Variants in TNKS observed in about 807,000 individuals in gnomAD.
TNKS encodes the protein poly [ADP-ribose] polymerase tankyrase-1.
In TNKS, 72 loss-of-function variants were observed where a neutral mutation model predicts 135.8. That is an observed-to-expected ratio of 0.53 (90% confidence interval 0.44 to 0.64). TNKS has a LOEUF of 0.64. TNKS is among the 30% of genes least tolerant of loss of function. The pLI is 0.00. For synonymous variants in TNKS, 849 were observed against 649.3 expected (o/e 1.31, Z -4.68); for missense variants, 1,769 against 1,674.0 (o/e 1.06, Z -0.99).
At chr8:9,749,645 T>G (rs1235606639) in intron 18 of TNKS, among the ~76,000 whole-genome samples, 1 of 152,012 alleles carries the variant, frequency 6.6e-6, no homozygotes, top group Non-Finnish European at 1.5e-5. Context: ...TGGCTATTTT[T>G]TTTGTTTTTA....
At chr8:9,720,580 T>A (rs778091729) in intron 12 of TNKS, 35 bp downstream of exon 12, 1 of 1,578,830 alleles carries the variant, frequency 6.3e-7, no homozygotes, top group South Asian at 1.2e-5. Flanking sequence ...CATTTTATGT[T>A]TTCTCTTCCA....
chr8:9,651,591 C>A (rs1457692846), intron 3 of TNKS, among the ~76,000 whole-genome samples: 1 of 152,150 alleles, frequency 6.6e-6, no homozygotes, highest in East Asian at 1.9e-4. Flanking sequence ...AGATTGGATA[C>A]TCTCAAGAAA....
intron 3 of TNKS, among the ~76,000 whole-genome samples, chr8:9,675,380 G>T (rs1250214092): frequency 6.6e-6 from 1 of 152,174 alleles, no homozygotes; most frequent in Non-Finnish European, 1.5e-5. Flanking sequence ...GAATATAAGA[G>T]TCCCCACATT....
chr8:9,567,366 C>A (rs1277046748), intron 1 of TNKS, among the ~76,000 whole-genome samples: 1 of 152,092 alleles, frequency 6.6e-6, no homozygotes, highest in East Asian at 1.9e-4. Flanking sequence ...CTTTGAAGAA[C>A]CTCATAACTA....
intron 22 of TNKS, among the ~76,000 whole-genome samples, chr8:9,764,433 G>T (rs1807316721): frequency 6.6e-6 from 1 of 151,784 alleles, no homozygotes; most frequent in African/African-American, 2.4e-5. Context: ...TTCTCAATAA[G>T]ATAAGATAGT....
chr8:9,711,306 G>T (rs1260327237), intron 11 of TNKS, among the ~76,000 whole-genome samples: 1 of 152,204 alleles, frequency 6.6e-6, no homozygotes, highest in Non-Finnish European at 1.5e-5. Flanking sequence ...TGATGTCAAG[G>T]TTTCCTGAGG....
At chr8:9,682,490 A>T (rs771596079) in intron 5 of TNKS, among the ~76,000 whole-genome samples, 3 of 152,122 alleles carry the variant, frequency 2.0e-5, no homozygotes, top group Non-Finnish European at 4.4e-5. Context: ...TTAAAGGAGA[A>T]TATACTTCCT....
At chr8:9,649,967 G>A (rs1044327374) in intron 3 of TNKS, among the ~76,000 whole-genome samples, 3 of 134,538 alleles carry the variant, frequency 2.2e-5, no homozygotes, top group Non-Finnish European at 3.1e-5. Flanking sequence ...TTGGCTCACC[G>A]CTGCAGCCTC....
At chr8:9,595,190 G>A (rs929392119) in intron 2 of TNKS, among the ~76,000 whole-genome samples, 2 of 150,366 alleles carry the variant, frequency 1.3e-5, no homozygotes, top group South Asian at 2.1e-4. Flanking sequence ...GTGTGATCTC[G>A]GCTCACTGCA....
At position 9,714,354 on chromosome 8, in the gene TNKS, G is replaced by A. The variant is rs539270522; in HGVS notation, c.1749+4134G>A. Reference sequence around the variant, plus strand: ...GCTTTTTTTTTTTTTAATCAAATGAGCATATGTATATAAATATGTAGTATA... The same window carrying A: ...GCTTTTTTTTTTTTTAATCAAATGAACATATGTATATAAATATGTAGTATA... On this transcript the variant is annotated intron_variant, in intron 11 of 26. Coordinates refer to ENST00000310430, the MANE Select transcript of TNKS (RefSeq NM_003747.3). 4.6e-5 allele frequency among the ~76,000 whole-genome samples: 7 copies of A among 151,218 alleles called. No homozygotes were observed. The East Asian group carries it at 1.2e-3, about 25-fold the overall frequency.
chr8:9,644,187 G>A (rs555768626), intron 3 of TNKS, among the ~76,000 whole-genome samples: 1 of 152,168 alleles, frequency 6.6e-6, no homozygotes, highest in African/African-American at 2.4e-5. Context: ...GCTGTGAATG[G>A]ATCTTGGTGA....
chr8:9,721,211 G>A (rs938653216), intron 12 of TNKS, among the ~76,000 whole-genome samples: 10 of 150,304 alleles, frequency 6.7e-5, no homozygotes, highest in African/African-American at 1.9e-4. Context: ...GAACGCGGGA[G>A]GCGGAGGTTG....
At chr8:9,602,565 G>A (rs949554170) in intron 2 of TNKS, among the ~76,000 whole-genome samples, 1 of 152,132 alleles carries the variant, frequency 6.6e-6, no homozygotes, top group Non-Finnish European at 1.5e-5. Flanking sequence ...GGATACTAGC[G>A]GAGTCTCCAG....
chr8:9,702,132 C>G (rs997794768), intron 5 of TNKS, among the ~76,000 whole-genome samples: 1 of 152,170 alleles, frequency 6.6e-6, no homozygotes, highest in Non-Finnish European at 1.5e-5. Context: ...TGAAATTAAC[C>G]TAATATTTGT....
chr8:9,678,770 A>C (rs1486787819), intron 3 of TNKS, among the ~76,000 whole-genome samples: 3 of 152,230 alleles, frequency 2.0e-5, no homozygotes, highest in African/African-American at 7.2e-5. Flanking sequence ...ATTTACACAT[A>C]AGATTTTTTA....
chr8:9,592,689 C>G (rs1375342011), intron 2 of TNKS, among the ~76,000 whole-genome samples: 5 of 152,152 alleles, frequency 3.3e-5, no homozygotes, highest in African/African-American at 9.7e-5. Flanking sequence ...TAATTATATT[C>G]AAGAAACGTG....
intron 2 of TNKS, among the ~76,000 whole-genome samples, chr8:9,606,620 A>G (rs1305100520): frequency 6.6e-6 from 1 of 152,068 alleles, no homozygotes; most frequent in Admixed American, 6.6e-5. Flanking sequence ...TAAGTCTTTG[A>G]AATTTTTTAT....
intron 17 of TNKS, 37 bp downstream of exon 17, chr8:9,735,523 G>A (rs1563199918): frequency 7.8e-6 from 12 of 1,535,440 alleles, no homozygotes; most frequent in South Asian, 3.4e-5. Context: ...AAAACTGACC[G>A]CACGCGGTGG....
intron 23 of TNKS, 117 bp downstream of exon 23, chr8:9,764,907 C>T: frequency 1.4e-6 from 1 of 720,174 alleles, no homozygotes; most frequent in East Asian, 3.1e-5. Context: ...GATAATTCGT[C>T]ACCTGTCTGA....
Sources: allele counts gnomAD v4.1 joint callset (sites outside exome capture counted in the v4.1 genomes callset), GRCh38; gene constraint gnomAD v4.1.1; transcripts MANE v1.5; gene names NCBI Gene and HGNC (gene_info 2026-07-23, HGNC 2026-07-21).